The following YTHDF2 variants were observed in gnomAD, a reference collection of about 807,000 sequenced individuals.
The protein encoded by YTHDF2 is YTH N6-methyladenosine RNA binding protein F2.
In YTHDF2, 2 loss-of-function variants were observed where a neutral mutation model predicts 50.4. That is an observed-to-expected ratio of 0.04 (90% CI 0.02 to 0.12). The LOEUF is 0.12. Ranked by LOEUF, YTHDF2 falls within the 10% of genes least tolerant of loss-of-function variation. YTHDF2 has a pLI of 1.00. For synonymous variants in YTHDF2, 217 were observed against 255.6 expected, an observed-to-expected ratio of 0.85 and a Z score of 1.44; for missense variants, 483 against 722.6, an observed-to-expected ratio of 0.67 and a Z score of 3.80.
chr1:28,769,156 CAAA>C lies in YTHDF2; in HGVS notation c.*208_*210del, dbSNP rs1477158596. 7.4e-6 allele frequency: 3 copies of C among 404,368 alleles called. No individual in the cohort carries two copies. The highest frequency in any genetic ancestry group is 1.3e-5 in the Non-Finnish European group (3 of 226,518). The allele number at this position is 404,368 out of a possible 1,614,324, so 25.0% of individuals were successfully genotyped here. On this transcript the variant is annotated 3_prime_UTR_variant, in exon 5 of 5. Coordinates refer to ENST00000373812, the MANE Select transcript of YTHDF2 (RefSeq NM_016258.3). Reference sequence around the variant, plus strand: ...AAAAAAAGAAAAAGAAAAAACTAAACAAAAAATCCCTCTAGGTAGTTTAGGTGA... The same window carrying C: ...AAAAAAAGAAAAAGAAAAAACTAAACAAATCCCTCTAGGTAGTTTAGGTGA...
intron 4 of YTHDF2, among the ~76,000 whole-genome samples, chr1:28,754,999 C>G (rs1015072886): frequency 1.3e-5 from 2 of 148,780 alleles, no homozygotes; most frequent in Non-Finnish European, 3.0e-5. Context: ...TGGGAGATGG[C>G]TCAGAGACTA....
chr1:28,741,718 G>T (rs771957901), intron 3 of YTHDF2, among the ~76,000 whole-genome samples: 67 of 152,322 alleles, frequency 4.4e-4, no homozygotes, highest in Non-Finnish European at 4.3e-4. Context: ...AACTGGTAGT[G>T]AACCTTGCTT....
intron 4 of YTHDF2, among the ~76,000 whole-genome samples, chr1:28,748,629 G>C (rs551251978): frequency 1.6e-4 from 24 of 152,180 alleles, no homozygotes; most frequent in Non-Finnish European, 3.4e-4. Flanking sequence ...GATCTGTCAG[G>C]CTTGAAACTT....
At chr1:28,750,592 G>A (rs1281027615) in intron 4 of YTHDF2, among the ~76,000 whole-genome samples, 1 of 152,132 alleles carries the variant, frequency 6.6e-6, no homozygotes, top group African/African-American at 2.4e-5. Context: ...TTTTAGAAAG[G>A]TTGTTTCATA....
chr1:28,753,356 TCCAAAAAAAAAAAAAAAAAAAAAAAAAA>T (rs2087985607), intron 4 of YTHDF2, among the ~76,000 whole-genome samples: 1 of 42,532 alleles, frequency 2.4e-5, no homozygotes. Context: ...ATCCTGCCTC[TCCAAAAAAAAAAAAAAAAAAAAAAAAAA>T]AAAAAAAAAA....
chr1:28,754,963 C>CA (rs58411768), intron 4 of YTHDF2, among the ~76,000 whole-genome samples: 1,116 of 80,888 alleles, frequency 0.014, 13 homozygotes, highest in African/African-American at 0.027. Context: ...GGTGACAGCT[C>CA]AAAAAAAAAA....
upstream of YTHDF2, chr1:28,736,798 C>G (rs967166270): frequency 2.0e-5 from 7 of 351,248 alleles, no homozygotes; most frequent in African/African-American, 1.5e-4. Flanking sequence ...GCGCCGGGCC[C>G]CTTCCGCGTG....
At position 28,769,265 on chromosome 1, in the gene YTHDF2, G is replaced by A. The variant is rs1021151911; in HGVS notation, c.*313G>A. On this transcript the variant is annotated 3_prime_UTR_variant, in exon 5 of 5. Coordinates refer to ENST00000373812, the MANE Select transcript of YTHDF2 (RefSeq NM_016258.3). ...TTTTTGTCTTTTTACTATGTTTTTC[G>A]GATTTTTAAGTCCGTAAGTGCATAC... 19 of 205,712 alleles carry A rather than the reference G, an allele frequency of 9.2e-5. No individual in the cohort carries two copies. The highest frequency in any genetic ancestry group is 3.7e-4 in the African/African-American group (16 of 43,396). 12.7% of individuals were successfully genotyped at this position (205,712 alleles called of 1,614,324 possible). A position where few individuals can be genotyped will look rare whatever the true frequency, so the allele number is the denominator to read the frequency against.
rs959934550 is a variant in YTHDF2, at chr1:28,769,450, G to A, written c.*498G>A. The A allele has an allele frequency of 2.0e-5, 3 of 153,024 alleles. No individual in the cohort carries two copies. Among genetic ancestry groups the A allele is most frequent in the Non-Finnish European group, 4.4e-5 (3 of 68,378 alleles). 9.5% of individuals were successfully genotyped at this position (153,024 alleles called of 1,614,324 possible). A position where few individuals can be genotyped will look rare whatever the true frequency, so the allele number is the denominator to read the frequency against. ...CATTTTTATGAAGAATTTTTGTCTA[G>A]GAGAATATAACAGTGTTACCCAAGG... On this transcript the variant is annotated 3_prime_UTR_variant, in exon 5 of 5. Transcript: ENST00000373812.
At chr1:28,756,352 T>A (rs534416031) in intron 4 of YTHDF2, among the ~76,000 whole-genome samples, 1 of 152,226 alleles carries the variant, frequency 6.6e-6, no homozygotes, top group Non-Finnish European at 1.5e-5. Context: ...AATGCTAGAA[T>A]CGTTTAGTAT....
intron 4 of YTHDF2, 120 bp from the exon 5 acceptor site, chr1:28,768,805 ATAAT>A (rs1236011162): frequency 5.3e-6 from 4 of 758,390 alleles, no homozygotes; most frequent in South Asian, 5.7e-5. Flanking sequence ...TCTACTTAGA[ATAAT>A]TAATTTTCTA....
At chr1:28,765,883 A>G (rs537311254) in intron 4 of YTHDF2, among the ~76,000 whole-genome samples, 106 of 152,272 alleles carry the variant, frequency 7.0e-4, no homozygotes, top group African/African-American at 2.4e-3. Flanking sequence ...CTTTTCTCCT[A>G]GGTATTTTAG....
intron 3 of YTHDF2, among the ~76,000 whole-genome samples, chr1:28,739,512 C>G (rs892280887): frequency 6.6e-6 from 1 of 151,310 alleles, no homozygotes; most frequent in African/African-American, 2.4e-5. Flanking sequence ...GTTGCCCAAT[C>G]TGGTCTTGAA....
At chr1:28,738,214 G>T (rs754854876) in intron 2 of YTHDF2, 45 bp from the exon 3 acceptor site, 10 of 1,474,184 alleles carry the variant, frequency 6.8e-6, no homozygotes, top group South Asian at 1.1e-5. Context: ...TTGAAAGGAA[G>T]ATTGTAGGAT....
Position 28,743,657 on chromosome 1 carries a change from G to A in YTHDF2, c.1387G>A (p.Gly463Ser), listed in dbSNP as rs2087813799. The A allele has an allele frequency of 3.1e-6, 5 of 1,614,042 alleles. No homozygotes were observed. Among genetic ancestry groups the A allele is most frequent in the Admixed American group, 1.7e-5 (1 of 59,998 alleles). ...GPVYLLFSVN[G>S]SGHFCGVAEM... ...CGTTTACTTACTTTTCAGTGTCAAC[G>A]GCAGTGGACACTTCTGTGGCGTGGC... The change falls in exon 4 of 5, where the codon GGC becomes AGC. Residue 463 changes from glycine to serine, a missense_variant. Transcript: ENST00000373812. This position sits in a 1 kb window ranked among gnomAD's most constrained non-coding sequence, Gnocchi z 6.9.
chr1:28,761,791 C>T (rs1010086881), intron 4 of YTHDF2, among the ~76,000 whole-genome samples: 9 of 152,100 alleles, frequency 5.9e-5, no homozygotes, highest in African/African-American at 2.2e-4. Context: ...AACTGCTGGT[C>T]CCAGCCTCCC....
chr1:28,749,248 G>A (rs371749775), intron 4 of YTHDF2, among the ~76,000 whole-genome samples: 1 of 148,104 alleles, frequency 6.8e-6, no homozygotes. Flanking sequence ...CGGGAGTGCA[G>A]TGGCGCATTC....
intron 4 of YTHDF2, among the ~76,000 whole-genome samples, chr1:28,755,520 A>G (rs758379891): frequency 2.0e-5 from 3 of 152,202 alleles, no homozygotes; most frequent in Non-Finnish European, 2.9e-5. Context: ...TAACTTTGCA[A>G]AGGCACATGA....
chr1:28,737,783 C>A (rs1214099431), intron 2 of YTHDF2, 101 bp downstream of exon 2: 3 of 1,428,038 alleles, frequency 2.1e-6, no homozygotes, highest in East Asian at 2.3e-5. Context: ...CTTTCGGAAG[C>A]CGCTTAGTTC....
Sources: gnomAD v4.1 joint callset for allele counts (sites outside exome capture counted in the v4.1 genomes callset) on GRCh38, gnomAD v4.1.1 for gene constraint, Gnocchi (gnomAD v3.1) non-coding constraint, MANE v1.5 for transcripts, NCBI Gene and HGNC (gene_info 2026-07-23, HGNC 2026-07-21) for gene names.